LRP2: variants seen among roughly 807,000 people sequenced by gnomAD.
LRP2 encodes the protein low-density lipoprotein receptor-related protein 2.
Under a neutral mutation model 531.0 loss-of-function variants are expected in LRP2, and 172 were observed. That is an observed-to-expected ratio of 0.32 (90% confidence interval 0.29 to 0.37). LRP2 has a LOEUF of 0.37. Ranked by LOEUF, LRP2 falls within the 10% of genes least tolerant of loss-of-function variation. The probability of loss-of-function intolerance (pLI) is 1.00; values close to 1 mark genes in which losing one functional copy is unlikely to be tolerated. For synonymous variants in LRP2, 1,992 were observed against 2,027.6 expected (o/e 0.98, Z 0.47); for missense variants, 5,167 against 5,868.3 (o/e 0.88, Z 3.90).
intron 71 of LRP2, among the ~76,000 whole-genome samples, chr2:169,141,267 T>C (rs989836571): frequency 6.6e-6 from 1 of 152,196 alleles, no homozygotes; most frequent in African/African-American, 2.4e-5. Context: ...ATCAGACAGG[T>C]CTTCCCTGAA....
At chr2:169,219,607 G>A (rs971360341) in intron 34 of LRP2, among the ~76,000 whole-genome samples, 24 of 152,228 alleles carry the variant, frequency 1.6e-4, no homozygotes, top group African/African-American at 2.6e-4. Flanking sequence ...AATACCACAT[G>A]TTCTGACTTA....
At chr2:169,207,724 A>G (rs1356245255) in intron 38 of LRP2, among the ~76,000 whole-genome samples, 1 of 152,252 alleles carries the variant, frequency 6.6e-6, no homozygotes, top group Non-Finnish European at 1.5e-5. Flanking sequence ...TAAGGTTAAC[A>G]TGAAGTTTTT....
At position 169,235,981 on chromosome 2, in the gene LRP2, G is replaced by T; in HGVS notation, c.4779C>A (p.Val1593=). ...CGCAGGGCCAGAAGATCTTGTCCTG[G>T]ACAATGACAGTGCGCATGCTGCCGT... The part of the protein sequence containing the change: ...SMDGSMRTVI[V]QDKIFWPCGL... Residue 1593 remains valine, a synonymous_variant, in exon 29 of 79, where the codon GTC becomes GTA. Transcript: ENST00000649046. 1 of 1,614,214 alleles carries T rather than the reference G, an allele frequency of 6.2e-7. No individual in the cohort carries two copies. Among genetic ancestry groups the T allele is most frequent in the Non-Finnish European group, 8.5e-7 (1 of 1,180,034 alleles).
chr2:169,230,810 A>C (rs1689369793), intron 31 of LRP2, among the ~76,000 whole-genome samples: 1 of 152,210 alleles, frequency 6.6e-6, no homozygotes, highest in South Asian at 2.1e-4. Flanking sequence ...AATCCTCCAC[A>C]CACTCTTCAA....
chr2:169,234,400 G>A (rs1440567455), intron 29 of LRP2, among the ~76,000 whole-genome samples: 2 of 152,108 alleles, frequency 1.3e-5, no homozygotes, highest in Non-Finnish European at 2.9e-5. Flanking sequence ...TGAAGTGTTT[G>A]GTTTTCTGTT....
At position 169,224,984 on chromosome 2, in the gene LRP2, G is replaced by A. The variant is rs185887347; in HGVS notation, c.5538+326C>T. On this transcript the variant is annotated intron_variant, in intron 33 of 78. Transcript: ENST00000649046. ...TGCACGCCTGTAATCCCAGCTACTC[G>A]GGTGGCTGAGACAGGAGAATTGCTT... Among the ~76,000 whole-genome samples, 880 of 152,060 alleles carry A rather than the reference G, an allele frequency of 5.8e-3. 9 individuals are homozygous for A. The Middle Eastern group carries it at 0.065, about 11-fold the overall frequency.
At chr2:169,287,684 T>C (rs72878472) in intron 9 of LRP2, among the ~76,000 whole-genome samples, 20,663 of 151,372 alleles carry the variant, frequency 0.14, 1,596 homozygotes, top group African/African-American at 0.16. Context: ...AAGAAAGGCT[T>C]TTCTGGCTAT....
intron 3 of LRP2, among the ~76,000 whole-genome samples, chr2:169,307,696 C>G (rs1389244181): frequency 6.6e-6 from 1 of 152,018 alleles, no homozygotes. Flanking sequence ...AAAAATTTTG[C>G]AAGTATAGGT....
chr2:169,319,011 C>A, intron 2 of LRP2, 127 bp from the exon 3 acceptor site: 1 of 1,175,048 alleles, frequency 8.5e-7, no homozygotes, highest in Non-Finnish European at 1.2e-6. Flanking sequence ...AAATAGTAAA[C>A]AACCCTTATA....
chr2:169,186,428 C>G (rs900319246), intron 49 of LRP2, among the ~76,000 whole-genome samples: 1 of 152,202 alleles, frequency 6.6e-6, no homozygotes, highest in Non-Finnish European at 1.5e-5. Context: ...ACACATTTGC[C>G]TCTCACGAGA....
At position 169,202,859 on chromosome 2, in the gene LRP2, T is replaced by C. The variant is rs766463797; in HGVS notation, c.8106A>G (p.Ala2702=). 9 of 1,614,098 alleles carry C rather than the reference T, an allele frequency of 5.6e-6. No homozygotes were observed. Among genetic ancestry groups the C allele is most frequent in the Non-Finnish European group, 5.9e-6 (7 of 1,180,032 alleles). ...CIVDNGERCG[A]SSFTCSNGRC... ...GCCCATTGGAGCAGGTGAAGGAAGA[T>C]GCACCACATCGTTCACCATTGTCCA... Residue 2702 remains alanine (A), a synonymous_variant, in exon 43 of 79, where the codon GCA becomes GCG. Coordinates refer to ENST00000649046, the MANE Select transcript of LRP2 (RefSeq NM_004525.3).
rs1304420728 is a variant in LRP2, at chr2:169,177,691, C to T, written c.10393+112G>A. The T allele has an allele frequency of 7.7e-6, 7 of 910,940 alleles. No individual in the cohort carries two copies. In the African/African-American group the frequency reaches 1.1e-4, roughly 15 times the overall value. 56.4% of individuals were successfully genotyped at this position (910,940 alleles called of 1,614,324 possible). A position where few individuals can be genotyped will look rare whatever the true frequency, so the allele number is the denominator to read the frequency against. On this transcript the variant is annotated intron_variant, in intron 53 of 78. Transcript: ENST00000649046. ...CTTTCAGCATATGCTTTGAAGAAAA[C>T]ACTAACAAGTGCAACAAACTTTTTG...
chr2:169,301,337 G>T (rs775314852), intron 4 of LRP2, among the ~76,000 whole-genome samples: 1 of 151,540 alleles, frequency 6.6e-6, no homozygotes, highest in Non-Finnish European at 1.5e-5. Flanking sequence ...TGCATGAGTG[G>T]TTTTTCCTTG....
intron 37 of LRP2, among the ~76,000 whole-genome samples, chr2:169,210,971 T>C (rs1370019740): frequency 1.3e-5 from 2 of 152,248 alleles, no homozygotes; most frequent in East Asian, 3.8e-4. Flanking sequence ...GGTATAAGGA[T>C]ATTTCCTAAA....
At chr2:169,310,391 T>C (rs916317472) in intron 3 of LRP2, among the ~76,000 whole-genome samples, 1 of 152,216 alleles carries the variant, frequency 6.6e-6, no homozygotes, top group African/African-American at 2.4e-5. Flanking sequence ...ACCTAATTTA[T>C]TGAGAGTTTT....
intron 33 of LRP2, 123 bp downstream of exon 33, chr2:169,225,187 T>C: frequency 2.0e-6 from 2 of 1,000,822 alleles, no homozygotes; most frequent in Admixed American, 2.0e-5. Flanking sequence ...AACACTAATA[T>C]CTTTTCCCTT....
rs753051329 is a variant in LRP2, at chr2:169,238,163, A to G, written c.4434T>C (p.Gly1478=). The G allele has an allele frequency of 1.2e-6, 2 of 1,614,102 alleles. No homozygotes were observed. The highest frequency in any genetic ancestry group is 1.7e-6 in the Non-Finnish European group (2 of 1,180,030). ...GAGTTGCATCAGACCAAAAGATACG[A>G]CCACTAATTGAATCAAAATCAACAG... ...IVAVDFDSIS[G]RIFWSDATQG... Residue 1478 remains glycine (G), a synonymous_variant, in exon 27 of 79, where the codon GGT becomes GGC. Transcript: ENST00000649046.
chr2:169,132,182 T>C (rs1685316474), intron 77 of LRP2, among the ~76,000 whole-genome samples: 3 of 152,166 alleles, frequency 2.0e-5, no homozygotes, highest in East Asian at 1.9e-4. Context: ...AGAATAAAGA[T>C]GCATGCTGTA....
At chr2:169,154,214 A>T (rs1262198454) in intron 66 of LRP2, among the ~76,000 whole-genome samples, 1 of 152,156 alleles carries the variant, frequency 6.6e-6, no homozygotes, top group East Asian at 1.9e-4. Flanking sequence ...AAAATACAAG[A>T]AGATGTGAGA....
Sources: allele counts gnomAD v4.1 joint callset (sites outside exome capture counted in the v4.1 genomes callset), GRCh38; gene constraint gnomAD v4.1.1; transcripts MANE v1.5; gene names NCBI Gene and HGNC (gene_info 2026-07-23, HGNC 2026-07-21).